The following TCERG1L variants were observed in gnomAD, a reference collection of about 807,000 sequenced individuals.
TCERG1L encodes transcription elongation regulator 1-like protein.
TCERG1L carries 37 observed loss-of-function variants against 56.3 expected under a neutral mutation model. The observed-to-expected ratio is 0.66, with a 90% CI of 0.51 to 0.87. TCERG1L has a LOEUF of 0.87. Among genes scored for constraint, TCERG1L ranks in the 40% least tolerant of loss-of-function variants. The probability of loss-of-function intolerance (pLI) is 0.00; values close to 1 mark genes in which losing one functional copy is unlikely to be tolerated. For synonymous variants in TCERG1L, 324 were observed against 326.3 expected (o/e 0.99, Z 0.08); for missense variants, 799 against 774.2 (o/e 1.03, Z -0.38).
chr10:131,117,063 G>C, intron 8 of TCERG1L, 129 bp from the exon 9 acceptor site: 3 of 1,244,738 alleles, frequency 2.4e-6, no homozygotes, highest in Non-Finnish European at 3.3e-6. Context: ...TCTTTATAAA[G>C]CCTGAGGCGG....
At chr10:131,112,992 G>A (rs887324630) in intron 9 of TCERG1L, among the ~76,000 whole-genome samples, 1 of 142,090 alleles carries the variant, frequency 7.0e-6, no homozygotes, top group Non-Finnish European at 1.6e-5. Flanking sequence ...AGGTGGCCCC[G>A]GGTGGACCCG....
intron 7 of TCERG1L, among the ~76,000 whole-genome samples, chr10:131,141,389 C>A (rs1259570424): frequency 6.6e-6 from 1 of 151,946 alleles, no homozygotes. Context: ...AGTGACCGTG[C>A]CTCAGGGAGA....
At chr10:131,303,412 C>T (rs1846787297) in intron 3 of TCERG1L, among the ~76,000 whole-genome samples, 1 of 152,046 alleles carries the variant, frequency 6.6e-6, no homozygotes, top group Admixed American at 6.5e-5. Flanking sequence ...TTGTTGGCTG[C>T]ATAAATGTCT....
chr10:131,167,203 T>C (rs888528157), intron 4 of TCERG1L, among the ~76,000 whole-genome samples: 1 of 152,178 alleles, frequency 6.6e-6, no homozygotes, highest in Non-Finnish European at 1.5e-5. Flanking sequence ...CACTCCACCC[T>C]GGACTCAGCC....
chr10:131,246,234 T>C (rs1461041984), intron 4 of TCERG1L, among the ~76,000 whole-genome samples: 2 of 152,144 alleles, frequency 1.3e-5, no homozygotes, highest in African/African-American at 4.8e-5. Context: ...AGTGAGGCTT[T>C]CTGGGGGTGG....
intron 4 of TCERG1L, among the ~76,000 whole-genome samples, chr10:131,204,404 C>G (rs187469691): frequency 5.8e-4 from 88 of 151,316 alleles, no homozygotes; most frequent in African/African-American, 2.0e-3. Flanking sequence ...CCTGCCCCCC[C>G]ACCCTGCCCC....
chr10:131,277,647 A>G (rs1846406758), intron 3 of TCERG1L, among the ~76,000 whole-genome samples: 1 of 152,186 alleles, frequency 6.6e-6, no homozygotes, highest in Non-Finnish European at 1.5e-5. Context: ...AGCTAACAGA[A>G]AGCTTGAGGG....
intron 11 of TCERG1L, among the ~76,000 whole-genome samples, chr10:131,097,538 A>G (rs879932094): frequency 3.3e-5 from 5 of 151,978 alleles, no homozygotes; most frequent in Non-Finnish European, 7.4e-5. Flanking sequence ...TAGTAGAGAC[A>G]GGGTTTCACC....
In TCERG1L at chr10:131,311,366, C is replaced by T; in HGVS notation, c.270G>A (p.Leu90=). The T allele has an allele frequency of 1.7e-6, 2 of 1,198,242 alleles. No homozygotes were observed. The highest frequency in any genetic ancestry group is 8.3e-5 in the South Asian group (2 of 24,088). The allele number at this position is 1,198,242 out of a possible 1,614,324, so 74.2% of individuals were successfully genotyped here. The change falls in exon 1 of 12, where the codon CTG becomes CTA. Residue 90 remains leucine, a synonymous_variant. Transcript: ENST00000368642. This position sits in a 1 kb window ranked among gnomAD's most constrained non-coding sequence, Gnocchi z 4.0. ...AGTCTGGCGCAGAGGGCAGCGGCAG[C>T]AGCGGGAGCACCGGCTCGCTCGGGG... ...WPAPSEPVLP[L]LPLPSAPDSA...
intron 4 of TCERG1L, among the ~76,000 whole-genome samples, chr10:131,180,693 C>A (rs1172435652): frequency 1.3e-5 from 2 of 152,148 alleles, no homozygotes; most frequent in African/African-American, 4.8e-5. Context: ...GTTATCTCAG[C>A]CTACGCATCC....
chr10:131,309,848 A>AAAAAC (rs1554901676), intron 1 of TCERG1L, among the ~76,000 whole-genome samples: 13 of 149,770 alleles, frequency 8.7e-5, no homozygotes, highest in Non-Finnish European at 1.8e-4. Flanking sequence ...AAAAAAAAAA[A>AAAAAC]AAAAAAAAAA....
intron 3 of TCERG1L, among the ~76,000 whole-genome samples, chr10:131,263,251 G>A (rs1013266264): frequency 6.6e-6 from 1 of 152,082 alleles, no homozygotes; most frequent in Admixed American, 6.5e-5. Context: ...GTATGTCATG[G>A]AATCTACTTG....
intron 4 of TCERG1L, among the ~76,000 whole-genome samples, chr10:131,244,338 C>A (rs1298652199): frequency 6.6e-6 from 1 of 152,130 alleles, no homozygotes; most frequent in Non-Finnish European, 1.5e-5. Flanking sequence ...ATGGAACAGG[C>A]ACGTGCTTTC....
At chr10:131,271,673 A>C (rs776764673) in intron 3 of TCERG1L, among the ~76,000 whole-genome samples, 1 of 152,204 alleles carries the variant, frequency 6.6e-6, no homozygotes, top group Non-Finnish European at 1.5e-5. Flanking sequence ...TTCACCAGAG[A>C]TCAGGAGGAA....
chr10:131,144,040 C>G lies in TCERG1L; in HGVS notation c.1189+2466G>C, dbSNP rs538246450. Among the ~76,000 whole-genome samples the G allele has an allele frequency of 3.0e-4, 45 of 152,008 alleles. 1 individual carries two copies. The East Asian group carries it at 8.4e-3, about 28-fold the overall frequency. On this transcript the variant is annotated intron_variant, in intron 7 of 11. Transcript: ENST00000368642. ...GCACTGTGAGCCACAACTTCCACGT[C>G]TCCTATCCCCACTGAAGACACACGC...
At chr10:131,228,253 G>C (rs1165392889) in intron 4 of TCERG1L, among the ~76,000 whole-genome samples, 2 of 118,182 alleles carry the variant, frequency 1.7e-5, no homozygotes, top group East Asian at 2.9e-4. Context: ...CTCCAGACAG[G>C]CATTTCCTCA....
At chr10:131,178,709 C>G (rs1303027385) in intron 4 of TCERG1L, among the ~76,000 whole-genome samples, 1 of 152,166 alleles carries the variant, frequency 6.6e-6, no homozygotes, top group Non-Finnish European at 1.5e-5. Context: ...CATCGCTCGC[C>G]CTGCCCCAGG....
At chr10:131,290,272 T>C (rs147399519) in intron 3 of TCERG1L, among the ~76,000 whole-genome samples, 40 of 152,334 alleles carry the variant, frequency 2.6e-4, no homozygotes, top group African/African-American at 8.9e-4. Context: ...GGTGTGTACA[T>C]GTTCACACGG....
intron 4 of TCERG1L, among the ~76,000 whole-genome samples, chr10:131,209,251 G>A (rs778026245): frequency 4.0e-5 from 6 of 150,996 alleles, no homozygotes; most frequent in Non-Finnish European, 8.9e-5. Context: ...TGAAACACCT[G>A]TCGTCCCAAG....
Sources: allele counts gnomAD v4.1 joint callset (sites outside exome capture counted in the v4.1 genomes callset), GRCh38; gene constraint gnomAD v4.1.1; non-coding constraint Gnocchi (gnomAD v3.1); transcripts MANE v1.5; gene names NCBI Gene and HGNC (gene_info 2026-07-23, HGNC 2026-07-21).